Variants in TGM7 observed in about 807,000 individuals in gnomAD.
The protein encoded by TGM7 is transglutaminase 7, also known as protein-glutamine gamma-glutamyltransferase Z.
Under a neutral mutation model 79.5 loss-of-function variants are expected in TGM7, and 74 were observed. The observed-to-expected ratio is 0.93, with a 90% CI of 0.77 to 1.13. The LOEUF (loss-of-function observed/expected upper bound fraction) is 1.13. Among genes scored for constraint, TGM7 ranks in the 50% most tolerant of loss-of-function variants. The pLI, the probability that TGM7 is intolerant of heterozygous loss-of-function variation, is 0.00. For missense variants in TGM7, 912 were observed against 905.9 expected (o/e 1.01, Z -0.09); for synonymous variants, 354 against 362.5 (o/e 0.98, Z 0.27).
intron 1 of TGM7, among the ~76,000 whole-genome samples, chr15:43,300,190 G>C (rs188157334): frequency 6.6e-6 from 1 of 152,312 alleles, no homozygotes; most frequent in East Asian, 1.9e-4. Flanking sequence ...GGGGATGTTT[G>C]CACTTGCAAC....
In TGM7 at chr15:43,279,112, A is replaced by G. The variant is rs1288289869; in HGVS notation, c.1839+5T>C. 4 of 1,610,642 alleles carry G rather than the reference A, an allele frequency of 2.5e-6. No homozygotes were observed. In the Admixed American group the frequency reaches 5.0e-5, roughly 20 times the overall value. ...TCAGAGCCCCCACCCATGTCCAGAC[A>G]CTACCTCAATAGACAAGTGGGGAGG... On this transcript the variant is annotated splice_donor_5th_base_variant and intron_variant, in intron 11 of 12. Transcript: ENST00000452443.
At chr15:43,288,056 C>T (rs2042944966) in intron 4 of TGM7, among the ~76,000 whole-genome samples, 1 of 151,948 alleles carries the variant, frequency 6.6e-6, no homozygotes, top group Non-Finnish European at 1.5e-5. Flanking sequence ...GACTTAGACT[C>T]CTATCTGGAG....
chr15:43,291,465 T>C (rs561658556), intron 4 of TGM7, among the ~76,000 whole-genome samples: 2 of 152,380 alleles, frequency 1.3e-5, no homozygotes, highest in Admixed American at 6.5e-5. Flanking sequence ...TGAATGAACA[T>C]GGCTATTTGC....
At chr15:43,290,131 T>C (rs1420463348) in intron 4 of TGM7, among the ~76,000 whole-genome samples, 1 of 152,214 alleles carries the variant, frequency 6.6e-6, no homozygotes, top group African/African-American at 2.4e-5. Flanking sequence ...AGACATGAAG[T>C]CCTTGCCCAT....
Position 43,292,915 on chromosome 15 carries a change from A to C in TGM7, c.233T>G (p.Phe78Cys), listed in dbSNP as rs1346923753. Residue 78 changes from phenylalanine to cysteine, a missense_variant, in exon 3 of 13, where the codon TTC (phenylalanine) becomes TGC (cysteine). Phe to Cys is a radical substitution (Grantham distance 205). Transcript: ENST00000452443. ...CCCGGGCTGGACCCGGGTGAGGAAG[A>C]ATGTGGCTCGGGTCCCCAGCAGCTC... ...PSELLGTRAT[F>C]FLTRVQPGNV... The C allele has an allele frequency of 3.1e-6, 5 of 1,613,712 alleles. No homozygotes were observed. In the South Asian group the frequency reaches 5.5e-5, roughly 18 times the overall value.
intron 1 of TGM7, among the ~76,000 whole-genome samples, chr15:43,297,637 A>G (rs939755791): frequency 3.9e-5 from 5 of 127,216 alleles, no homozygotes; most frequent in East Asian, 2.3e-4. Context: ...AAGAAAGAAA[A>G]AGAAAGAAAG....
At chr15:43,298,911 A>G (rs1007938034) in intron 1 of TGM7, among the ~76,000 whole-genome samples, 3 of 152,166 alleles carry the variant, frequency 2.0e-5, no homozygotes, top group Admixed American at 2.0e-4. Context: ...ATATCTTACA[A>G]TAGGAGTTGG....
intron 6 of TGM7, among the ~76,000 whole-genome samples, chr15:43,286,273 C>T (rs1319412532): frequency 6.6e-6 from 1 of 152,110 alleles, no homozygotes; most frequent in Non-Finnish European, 1.5e-5. Context: ...GTAACTCGAG[C>T]GCCTGGGAGT....
At chr15:43,298,651 G>C (rs1292962671) in intron 1 of TGM7, among the ~76,000 whole-genome samples, 1 of 152,088 alleles carries the variant, frequency 6.6e-6, no homozygotes, top group Non-Finnish European at 1.5e-5. Flanking sequence ...TGCTTGGGAG[G>C]CTGAGGCAGA....
At chr15:43,285,363 C>T (rs555804702) in intron 6 of TGM7, among the ~76,000 whole-genome samples, 1 of 152,282 alleles carries the variant, frequency 6.6e-6, no homozygotes, top group African/African-American at 2.4e-5. Context: ...GAAACCCCGT[C>T]TCTACTAAAA....
At chr15:43,277,964 T>C (rs995844518) in intron 11 of TGM7, among the ~76,000 whole-genome samples, 7 of 152,270 alleles carry the variant, frequency 4.6e-5, no homozygotes, top group Non-Finnish European at 1.0e-4. Flanking sequence ...ACTTGGCATT[T>C]GCCATGTTTG....
rs144917527 is a variant in TGM7 at position 43,292,787 on chromosome 15, C to T, written c.361G>A (p.Glu121Lys). The T allele has an allele frequency of 1.9e-6, 3 of 1,614,040 alleles. No individual in the cohort carries two copies. In the African/African-American group the frequency reaches 4.0e-5, roughly 22 times the overall value. ...AVIGHYTLKI[E>K]ISQGQGHSVT... ...CTGTGACCTTGGCCCTGAGAGATCT[C>T]TATTTTCAGAGTGTAATGGCCAATA... The change falls in exon 3 of 13, where the codon GAG becomes AAG. Residue 121 changes from glutamate to lysine, a missense_variant. By Grantham distance (56) the Glu-to-Lys change is moderately conservative. Transcript: ENST00000452443.
Position 43,276,526 on chromosome 15 carries a change from TGAG to T in TGM7, c.2059_2061del (p.Leu687del). The stretch of plus-strand genomic sequence containing the variant: ...ATCTCCTTGACCTCGTTGCTGCTGA[TGAG>T]AACCTGGAGCTGGCGGGGTCCAGCT... On this transcript the variant is annotated inframe_deletion, in exon 13 of 13. Coordinates refer to ENST00000452443, the MANE Select transcript of TGM7 (RefSeq NM_052955.3). 1 of 1,614,130 alleles carries T rather than the reference TGAG, an allele frequency of 6.2e-7. No individual in the cohort carries two copies. The highest frequency in any genetic ancestry group is 8.5e-7 in the Non-Finnish European group (1 of 1,180,020).
At position 43,279,761 on chromosome 15, in the gene TGM7, C is replaced by T; in HGVS notation, c.1542G>A (p.Arg514=). The T allele has an allele frequency of 1.9e-6, 3 of 1,614,112 alleles. No individual in the cohort carries two copies. Among genetic ancestry groups the T allele is most frequent in the African/African-American group, 2.7e-5 (2 of 75,056 alleles). The change falls in exon 10 of 13, where the codon AGG becomes AGA. Residue 514 remains arginine (R), a synonymous_variant. Transcript: ENST00000452443. The stretch of plus-strand genomic sequence containing the variant: ...CCCGAGGGTGGGTGCTGTCTGGCAC[C>T]CTCTGGATACGCAGCAGCAGCTGCA... The part of the protein sequence containing the change: ...QDLQLLLRIQ[R]VPDSTHPRGP...
At chr15:43,289,398 A>AT (rs1432718155) in intron 4 of TGM7, among the ~76,000 whole-genome samples, 2 of 152,098 alleles carry the variant, frequency 1.3e-5, no homozygotes, top group African/African-American at 4.8e-5. Context: ...TGAACTCATC[A>AT]TTTTTTATGG....
At chr15:43,289,742 T>G (rs1454873839) in intron 4 of TGM7, among the ~76,000 whole-genome samples, 1 of 152,238 alleles carries the variant, frequency 6.6e-6, no homozygotes, top group Non-Finnish European at 1.5e-5. Context: ...CCTGACTTTT[T>G]AATGATCGCC....
chr15:43,279,425 C>A lies in TGM7; in HGVS notation c.1679-148G>T, dbSNP rs549956679. On this transcript the variant is annotated intron_variant, in intron 10 of 12. Coordinates refer to ENST00000452443, the MANE Select transcript of TGM7 (RefSeq NM_052955.3). ...GACAGACAGCGTCCCACCACGCACA[C>A]ACTGTCCCCAGGGCTCACTGCTCCG... is the stretch of plus-strand genomic sequence containing the variant. 8 of 1,148,490 alleles carry A rather than the reference C, an allele frequency of 7.0e-6. No homozygotes were observed. In the South Asian group the frequency reaches 1.2e-4, roughly 17 times the overall value. 71.1% of individuals were successfully genotyped at this position (1,148,490 alleles called of 1,614,324 possible).
Position 43,281,927 on chromosome 15 carries a change from C to T in TGM7, c.1268G>A (p.Ser423Asn), listed in dbSNP as rs767799024. 2 of 1,614,258 alleles carry T rather than the reference C, an allele frequency of 1.2e-6. No homozygotes were observed. The highest frequency in any genetic ancestry group is 1.6e-4 in the Middle Eastern group (1 of 6,062). Residue 423 changes from serine (S) to asparagine (N), a missense_variant, in exon 9 of 13, where the codon AGT becomes AAT. Transcript: ENST00000452443. The stretch of plus-strand genomic sequence containing the variant: ...AGTGCTGATCTCCTTCCCGATGGAA[C>T]TGGTGTTGTGGGCCAGGATTTCCTG... ...QAQEILAHNTSSIGKEISTKM... is the reference protein window; with the variant it reads ...QAQEILAHNTNSIGKEISTKM...
At position 43,282,560 on chromosome 15, in the gene TGM7, G is replaced by A. The variant is rs752669926; in HGVS notation, c.1065C>T (p.Asn355=). The change falls in exon 8 of 13, where the codon AAC becomes AAT. Residue 355 remains asparagine (N), a synonymous_variant. Transcript: ENST00000452443. ...GAGTGGGGTCCAGAACCTGCCACCC[G>A]TTGTATCCTGGTGGGAGATCTTTCC... is the stretch of plus-strand genomic sequence containing the variant. ...MIRKDLPPGY[N]GWQVLDPTPQ... is the part of the protein sequence containing the mutation. 1.6e-5 allele frequency: 26 copies of A among 1,601,850 alleles called. No homozygotes were observed. The highest frequency in any genetic ancestry group is 1.1e-4 in the East Asian group (5 of 44,682).
Sources: allele counts gnomAD v4.1 joint callset (sites outside exome capture counted in the v4.1 genomes callset), GRCh38; gene constraint gnomAD v4.1.1; transcripts MANE v1.5; gene names NCBI Gene and HGNC (gene_info 2026-07-23, HGNC 2026-07-21).